Variants in FA2H observed in about 807,000 individuals in gnomAD.
FA2H encodes fatty acid alpha-hydroxylase.
A neutral mutation model predicts 44.9 loss-of-function variants in FA2H; 22 were observed. The observed-to-expected ratio is 0.49, with a 90% CI of 0.35 to 0.70. The LOEUF (loss-of-function observed/expected upper bound fraction) is 0.70, where lower values mean the gene tolerates loss of function less well. FA2H is among the 30% of genes least tolerant of loss of function. The pLI is 0.01. For missense variants in FA2H, 501 were observed against 504.9 expected (o/e 0.99, Z 0.07); for synonymous variants, 243 against 213.2 (o/e 1.14, Z -1.22).
intron 2 of FA2H, among the ~76,000 whole-genome samples, chr16:74,731,845 G>A (rs1430934741): frequency 2.0e-5 from 3 of 151,900 alleles, no homozygotes; most frequent in Non-Finnish European, 2.9e-5. Context: ...TGTAGCTTAC[G>A]ACCATCTCTC....
chr16:74,753,654 C>A (rs12930223), intron 1 of FA2H, among the ~76,000 whole-genome samples: 60,822 of 151,870 alleles, frequency 0.4, 12,467 homozygotes, highest in Middle Eastern at 0.49. Context: ...GCCTGGGTGA[C>A]AGAGCGAGAC....
chr16:74,729,486 CTG>C (rs1186552112), intron 2 of FA2H, among the ~76,000 whole-genome samples: 1 of 152,200 alleles, frequency 6.6e-6, no homozygotes, highest in Non-Finnish European at 1.5e-5. Flanking sequence ...AATGCACAGA[CTG>C]TGAGAGTACA....
At chr16:74,729,256 G>T (rs957031259) in intron 2 of FA2H, among the ~76,000 whole-genome samples, 1 of 152,086 alleles carries the variant, frequency 6.6e-6, no homozygotes, top group African/African-American at 2.4e-5. Flanking sequence ...TGATCTGCCC[G>T]CCTCGGCCTC....
intron 2 of FA2H, among the ~76,000 whole-genome samples, chr16:74,737,762 GGCCT>G (rs111899151): frequency 0.067 from 10,177 of 152,216 alleles, 350 homozygotes; most frequent in African/African-American, 0.084. Context: ...ACCCACCCCA[GGCCT>G]GGGGACCCTC....
In FA2H at chr16:74,716,619, G is replaced by T; in HGVS notation, c.787-20C>A. 6.5e-7 allele frequency: 1 copy of T among 1,535,192 alleles called. No homozygotes were observed. The highest frequency in any genetic ancestry group is 8.8e-7 in the Non-Finnish European group (1 of 1,142,714). ...GGGTGCCTGCAGATGGAGAGGCTTG[G>T]GCATCAGGAGGCAGCCAGGGGCCCC... is the stretch of plus-strand genomic sequence containing the variant. On this transcript the variant is annotated intron_variant, in intron 5 of 6. Coordinates refer to ENST00000219368, the MANE Select transcript of FA2H (RefSeq NM_024306.5).
At chr16:74,717,298 G>A (rs1048425369) in intron 5 of FA2H, among the ~76,000 whole-genome samples, 2 of 152,118 alleles carry the variant, frequency 1.3e-5, no homozygotes, top group African/African-American at 4.8e-5. Flanking sequence ...GGCTGGAGGA[G>A]AGAGAGAGAA....
intron 1 of FA2H, among the ~76,000 whole-genome samples, chr16:74,746,657 A>C (rs1056321392): frequency 3.3e-5 from 5 of 152,190 alleles, no homozygotes; most frequent in African/African-American, 1.2e-4. Flanking sequence ...TTGGTTTGCC[A>C]GTTTGAAACT....
At chr16:74,727,962 G>A (rs1164548719) in intron 2 of FA2H, among the ~76,000 whole-genome samples, 1 of 152,086 alleles carries the variant, frequency 6.6e-6, no homozygotes, top group Non-Finnish European at 1.5e-5. Context: ...TCTATGCTAG[G>A]TGCTGGGAAG....
intron 1 of FA2H, among the ~76,000 whole-genome samples, chr16:74,761,987 A>G (rs1009107148): frequency 2.0e-5 from 3 of 152,246 alleles, no homozygotes; most frequent in African/African-American, 7.2e-5. Flanking sequence ...AAGATGACTC[A>G]TTTAGGAGTA....
At chr16:74,749,506 G>A (rs1304200574) in intron 1 of FA2H, among the ~76,000 whole-genome samples, 1 of 152,208 alleles carries the variant, frequency 6.6e-6, no homozygotes, top group Non-Finnish European at 1.5e-5. Context: ...GCTCAGGTGT[G>A]TGGAGAACAA....
rs112237538 is a variant in FA2H, at chr16:74,751,164, G to A, written c.271-11049C>T. Among the ~76,000 whole-genome samples, 109 of 152,004 alleles carry A rather than the reference G, an allele frequency of 7.2e-4. 2 individuals carry two copies. Among genetic ancestry groups the A allele is most frequent in the Non-Finnish European group, 9.4e-4 (64 of 67,970 alleles). ...GGCCAGAGTGTAGTGGCTCAATCTC[G>A]GCTCACTGCAACCTCTGCCTCCCGG... On this transcript the variant is annotated intron_variant, in intron 1 of 6. Coordinates refer to ENST00000219368, the MANE Select transcript of FA2H (RefSeq NM_024306.5).
At chr16:74,733,213 C>G (rs1238356755) in intron 2 of FA2H, among the ~76,000 whole-genome samples, 2 of 152,182 alleles carry the variant, frequency 1.3e-5, no homozygotes, top group African/African-American at 4.8e-5. Context: ...GGAGGCCTCG[C>G]TCTCCCTTCT....
chr16:74,730,482 A>G (rs1404306539), intron 2 of FA2H, among the ~76,000 whole-genome samples: 5 of 152,110 alleles, frequency 3.3e-5, no homozygotes, highest in African/African-American at 1.2e-4. Context: ...GTCTAGCAGC[A>G]AGTGGAGTCA....
Position 74,774,682 on chromosome 16 carries a change from C to A in FA2H, c.74G>T (p.Cys25Phe). Residue 25 changes from cysteine (C) to phenylalanine (F), a missense_variant, in exon 1 of 7, where the codon TGC (cysteine) becomes TTC (phenylalanine). Cys to Phe is a radical substitution (Grantham distance 205). Coordinates refer to ENST00000219368, the MANE Select transcript of FA2H (RefSeq NM_024306.5). The part of the protein sequence containing the change: ...EVQRRLAAGA[C>F]WVRRGARLYD... ...GAGGCGGGCCCCGCGGCGGACCCAG[C>A]ACGCGCCGGCCGCCAGGCGCCGCTG... 7.2e-7 allele frequency: 1 copy of A among 1,396,284 alleles called. No individual in the cohort carries two copies. Among genetic ancestry groups the A allele is most frequent in the Non-Finnish European group, 9.3e-7 (1 of 1,080,192 alleles). The allele number at this position is 1,396,284 out of a possible 1,614,324, so 86.5% of individuals were successfully genotyped here. A position where few individuals can be genotyped will look rare whatever the true frequency, so the allele number is the denominator to read the frequency against.
chr16:74,718,991 G>A lies in FA2H; in HGVS notation c.783C>T (p.His261=). 6.2e-7 allele frequency: 1 copy of A among 1,613,704 alleles called. No individual in the cohort carries two copies. ...MLHFVMHGQH[H]KAPFDGSRLV... ...GCTGGGACCCCGCCCCGCTCACCTT[G>A]TGGTGCTGGCCGTGCATGACGAAGT... The change falls in exon 5 of 7, where the codon CAC becomes CAT. Residue 261 remains histidine, a synonymous_variant. Transcript: ENST00000219368.
At chr16:74,752,529 G>C (rs920972569) in intron 1 of FA2H, among the ~76,000 whole-genome samples, 2 of 152,024 alleles carry the variant, frequency 1.3e-5, no homozygotes, top group African/African-American at 4.8e-5. Flanking sequence ...TCTGACCCAG[G>C]GTATTGGTCC....
At chr16:74,773,258 A>G (rs1242096747) in intron 1 of FA2H, among the ~76,000 whole-genome samples, 1 of 152,208 alleles carries the variant, frequency 6.6e-6, no homozygotes, top group Non-Finnish European at 1.5e-5. Flanking sequence ...ACATACAAAT[A>G]GCTCTTATTA....
chr16:74,722,564 G>A (rs1327930993), intron 4 of FA2H, among the ~76,000 whole-genome samples: 6 of 151,932 alleles, frequency 3.9e-5, no homozygotes. Flanking sequence ...GAAAACGTAG[G>A]TTGGACTCAT....
Position 74,727,316 on chromosome 16 carries a change from ACCCAC to A in FA2H, c.429_433del (p.Glu143AspfsTer18). 1.5e-5 allele frequency: 25 copies of A among 1,614,088 alleles called. No homozygotes were observed. Among genetic ancestry groups the A allele is most frequent in the Non-Finnish European group, 2.1e-5 (25 of 1,180,000 alleles). ...GATGGGCCTGGTCACCGGCTGGTGA[ACCCAC>A]TCATCGTACTTCTCTCCCAAGTGGC... is the stretch of plus-strand genomic sequence containing the variant. On this transcript the variant is annotated frameshift_variant, in exon 3 of 7. Transcript: ENST00000219368. LOFTEE classifies it high-confidence loss of function.
Sources: gnomAD v4.1 joint callset for allele counts (sites outside exome capture counted in the v4.1 genomes callset) on GRCh38, gnomAD v4.1.1 for gene constraint, MANE v1.5 for transcripts, NCBI Gene and HGNC (gene_info 2026-07-23, HGNC 2026-07-21) for gene names.